CACNA1E: variants seen among roughly 807,000 people sequenced by gnomAD.
The protein encoded by CACNA1E is calcium voltage-gated channel subunit alpha1 E, also known as voltage-dependent R-type calcium channel subunit alpha-1E.
Under a neutral mutation model 259.2 loss-of-function variants are expected in CACNA1E, and 40 were observed. The ratio of observed to expected loss-of-function variants is 0.15; its 90% confidence interval spans 0.12 to 0.20. CACNA1E has a LOEUF of 0.20. Ranked by LOEUF, CACNA1E falls within the 10% of genes least tolerant of loss-of-function variation. CACNA1E has a pLI of 1.00. For missense variants in CACNA1E, 1,874 were observed against 3,040.1 expected (o/e 0.62, Z 9.02); for synonymous variants, 1,104 against 1,138.5 (o/e 0.97, Z 0.61).
At position 181,752,133 on chromosome 1, in the gene CACNA1E, T is replaced by C; in HGVS notation, c.3732-10T>C. 6.2e-7 allele frequency: 1 copy of C among 1,600,506 alleles called. No individual in the cohort carries two copies. Among genetic ancestry groups the C allele is most frequent in the African/African-American group, 1.3e-5 (1 of 74,770 alleles). ...TTCCATATGATTCCCTGGGGGCCTC[T>C]CCCCTGCAGAACCAACAAAGGACGG... On this transcript the variant is annotated splice_polypyrimidine_tract_variant and intron_variant, in intron 26 of 47. Coordinates refer to ENST00000367573, the MANE Select transcript of CACNA1E (RefSeq NM_001205293.3).
intron 7 of CACNA1E, among the ~76,000 whole-genome samples, chr1:181,686,506 C>T (rs994630006): frequency 2.6e-5 from 4 of 151,908 alleles, no homozygotes; most frequent in Non-Finnish European, 5.9e-5. Context: ...AGGCTGGTCT[C>T]GAACTCCTGA....
chr1:181,597,441 A>G (rs1455921619), intron 6 of CACNA1E, among the ~76,000 whole-genome samples: 1 of 152,200 alleles, frequency 6.6e-6, no homozygotes, highest in East Asian at 1.9e-4. Flanking sequence ...CTCCCAGGAC[A>G]AAACACACTT....
intron 3 of CACNA1E, among the ~76,000 whole-genome samples, chr1:181,542,395 G>C (rs1438545202): frequency 1.3e-5 from 2 of 152,178 alleles, no homozygotes; most frequent in Admixed American, 1.3e-4. Context: ...TGAAGAAATA[G>C]TGGCTGATAT....
At chr1:181,713,317 T>C (rs956264700) in intron 8 of CACNA1E, among the ~76,000 whole-genome samples, 7 of 152,312 alleles carry the variant, frequency 4.6e-5, no homozygotes, top group Non-Finnish European at 1.0e-4. Flanking sequence ...ATGAGGTATT[T>C]TAACAAGTTC....
intron 2 of CACNA1E, among the ~76,000 whole-genome samples, chr1:181,464,987 A>G (rs1662064290): frequency 6.6e-6 from 1 of 152,082 alleles, no homozygotes; most frequent in South Asian, 2.1e-4. Context: ...TGCTCCTCAC[A>G]CCATTTTCTT....
At position 181,739,204 on chromosome 1, in the gene CACNA1E, A is replaced by T; in HGVS notation, c.3670A>T (p.Ile1224Phe). The T allele has an allele frequency of 6.2e-7, 1 of 1,613,894 alleles. No individual in the cohort carries two copies. Among genetic ancestry groups the T allele is most frequent in the Non-Finnish European group, 8.5e-7 (1 of 1,179,802 alleles). ...GTCCTACTTCCGAGACTTGTGGAAC[A>T]TCCTGGACTTTGTGGTGGTCGTTGG... Reference protein sequence around the residue: ...DGSYFRDLWNILDFVVVVGAL... With the variant: ...DGSYFRDLWNFLDFVVVVGAL... The change falls in exon 25 of 48, where the codon ATC becomes TTC. Residue 1224 changes from isoleucine (I) to phenylalanine (F), a missense_variant. Physicochemically the swap from Ile to Phe is conservative, Grantham distance 21. Transcript: ENST00000367573.
chr1:181,633,652 C>T (rs1183747574), intron 6 of CACNA1E, among the ~76,000 whole-genome samples: 7 of 152,072 alleles, frequency 4.6e-5, no homozygotes, highest in South Asian at 2.1e-4. Context: ...CCACCACGCC[C>T]GGCTCAGTTT....
In CACNA1E at chr1:181,586,571, G is replaced by A. The variant is rs576554500; in HGVS notation, c.951+5795G>A. On this transcript the variant is annotated intron_variant, in intron 6 of 47. Transcript: ENST00000367573. ...TGTCCTGGGGCCAAGTGAAGAGCGC[G>A]CTGCAGAGGGATAAAGTAGAGGATG... 4.0e-4 allele frequency among the ~76,000 whole-genome samples: 61 copies of A among 152,252 alleles called. No homozygotes were observed. In the South Asian group the frequency reaches 6.2e-3, roughly 16 times the overall value.
intron 6 of CACNA1E, among the ~76,000 whole-genome samples, chr1:181,622,535 C>A (rs1026146059): frequency 6.6e-6 from 1 of 152,136 alleles, no homozygotes; most frequent in African/African-American, 2.4e-5. Flanking sequence ...TGTGTCCTCC[C>A]ATGTTCTTTT....
At chr1:181,791,000 A>T (rs939626381) in intron 44 of CACNA1E, among the ~76,000 whole-genome samples, 2 of 152,154 alleles carry the variant, frequency 1.3e-5, no homozygotes, top group Non-Finnish European at 1.5e-5. Context: ...CCTCCTCTAG[A>T]ACCTAGCAGC....
intron 1 of CACNA1E, among the ~76,000 whole-genome samples, chr1:181,397,364 G>A (rs1032437333): frequency 1.3e-5 from 2 of 151,918 alleles, no homozygotes; most frequent in South Asian, 2.1e-4. Context: ...GCAGTGGCAC[G>A]ATCTTAGCTC....
intron 44 of CACNA1E, among the ~76,000 whole-genome samples, chr1:181,792,706 T>C (rs1239334353): frequency 6.6e-6 from 1 of 152,200 alleles, no homozygotes; most frequent in Non-Finnish European, 1.5e-5. Context: ...TTCCTAAATA[T>C]AAAATAGCTT....
Position 181,760,134 on chromosome 1 carries a change from AC to A in CACNA1E, c.4605+1267del, listed in dbSNP as rs199518279. 8.6e-3 allele frequency among the ~76,000 whole-genome samples: 1,305 copies of A among 152,302 alleles called. 18 individuals are homozygous for A. Among genetic ancestry groups the A allele is most frequent in the African/African-American group, 0.03 (1,246 of 41,556 alleles). On this transcript the variant is annotated intron_variant, in intron 32 of 47. Coordinates refer to ENST00000367573, the MANE Select transcript of CACNA1E (RefSeq NM_001205293.3). ...GAAATTTTTTCTATGCATGTTGATTACTTGTATGTGGTATTGACATTGTCTG... is the reference window on the plus strand; with the variant it reads ...GAAATTTTTTCTATGCATGTTGATTATTGTATGTGGTATTGACATTGTCTG...
intron 2 of CACNA1E, among the ~76,000 whole-genome samples, chr1:181,427,387 C>T (rs1346629496): frequency 2.0e-5 from 3 of 148,576 alleles, no homozygotes; most frequent in Non-Finnish European, 4.5e-5. Flanking sequence ...AACCCCTCCT[C>T]ACCTCATTCC....
intron 6 of CACNA1E, among the ~76,000 whole-genome samples, chr1:181,588,412 G>A (rs1474000947): frequency 3.3e-5 from 5 of 152,168 alleles, no homozygotes; most frequent in Non-Finnish European, 7.3e-5. Flanking sequence ...GGGAGCCTGT[G>A]GTCCACAGCC....
At chr1:181,412,431 G>A (rs556291297) in intron 1 of CACNA1E, among the ~76,000 whole-genome samples, 1 of 152,304 alleles carries the variant, frequency 6.6e-6, no homozygotes, top group East Asian at 1.9e-4. Flanking sequence ...ATTGCTGGAT[G>A]TGGTGGTGTG....
intron 4 of CACNA1E, among the ~76,000 whole-genome samples, 183 bp downstream of exon 4, chr1:181,578,052 C>A (rs1651149271): frequency 6.6e-6 from 1 of 152,032 alleles, no homozygotes; most frequent in Non-Finnish European, 1.5e-5. Context: ...TAACTTTTTG[C>A]AAATATAAAA....
intron 1 of CACNA1E, among the ~76,000 whole-genome samples, chr1:181,402,959 A>G (rs1048886366): frequency 6.6e-6 from 1 of 152,248 alleles, no homozygotes; most frequent in Non-Finnish European, 1.5e-5. Flanking sequence ...AATGGGAAAG[A>G]TAAAAGTACT....
chr1:181,461,540 C>CAAAAA (rs10607931), intron 2 of CACNA1E, among the ~76,000 whole-genome samples: 2 of 82,016 alleles, frequency 2.4e-5, no homozygotes, highest in Non-Finnish European at 4.9e-5. Flanking sequence ...GACTCCATCT[C>CAAAAA]AAAAAAAAAA....
Sources: gnomAD v4.1 joint callset for allele counts (sites outside exome capture counted in the v4.1 genomes callset) on GRCh38, gnomAD v4.1.1 for gene constraint, MANE v1.5 for transcripts, NCBI Gene and HGNC (gene_info 2026-07-23, HGNC 2026-07-21) for gene names.